DPP6: variants seen among roughly 807,000 people sequenced by gnomAD.
DPP6 encodes the protein dipeptidyl peptidase like 6.
A neutral mutation model predicts 122.6 loss-of-function variants in DPP6; 69 were observed. The observed-to-expected ratio is 0.56, with a 90% CI of 0.46 to 0.69. DPP6 has a LOEUF of 0.69. DPP6 is among the 30% of genes least tolerant of loss of function. DPP6 has a pLI of 0.00. For missense variants in DPP6, 928 were observed against 1,116.9 expected (o/e 0.83, Z 2.41); for synonymous variants, 418 against 433.1 (o/e 0.97, Z 0.43).
chr7:153,912,847 A>C (rs1800148270), intron 1 of DPP6, among the ~76,000 whole-genome samples: 1 of 152,192 alleles, frequency 6.6e-6, no homozygotes. Flanking sequence ...TGGCCTCCTC[A>C]TTAACACTCT....
intron 1 of DPP6, among the ~76,000 whole-genome samples, chr7:153,977,198 GGTGT>G (rs55750679): frequency 6.0e-5 from 9 of 149,728 alleles, no homozygotes; most frequent in South Asian, 2.1e-4. Context: ...TACCAATAGG[GGTGT>G]GTGTGTGTGT....
intron 1 of DPP6, among the ~76,000 whole-genome samples, chr7:153,916,058 C>T (rs991187998): frequency 4.0e-5 from 6 of 151,828 alleles, no homozygotes; most frequent in Admixed American, 3.9e-4. Flanking sequence ...GCTCTGCCTC[C>T]CAGGTTCACG....
At chr7:154,641,798 T>G (rs760562687) in intron 6 of DPP6, among the ~76,000 whole-genome samples, 4 of 152,214 alleles carry the variant, frequency 2.6e-5, no homozygotes, top group Non-Finnish European at 5.9e-5. Flanking sequence ...TATGTAATGT[T>G]GGCAATTAGG....
intron 1 of DPP6, among the ~76,000 whole-genome samples, chr7:154,139,581 A>G (rs2150658095): frequency 6.6e-6 from 1 of 151,996 alleles, no homozygotes. Context: ...TGGTTAATAA[A>G]ATTAGCCATC....
At chr7:154,542,371 T>C (rs1347592900) in intron 4 of DPP6, among the ~76,000 whole-genome samples, 1 of 152,218 alleles carries the variant, frequency 6.6e-6, no homozygotes, top group Non-Finnish European at 1.5e-5. Flanking sequence ...GATCAGACTG[T>C]TGCTGAGCGT....
intron 1 of DPP6, among the ~76,000 whole-genome samples, chr7:154,391,834 G>A (rs1336449600): frequency 6.6e-6 from 1 of 152,172 alleles, no homozygotes; most frequent in African/African-American, 2.4e-5. Flanking sequence ...GCACAAGGTT[G>A]CTTTAGGTCT....
chr7:154,461,164 G>T (rs1037181757), intron 2 of DPP6, among the ~76,000 whole-genome samples: 5 of 152,222 alleles, frequency 3.3e-5, no homozygotes, highest in African/African-American at 1.2e-4. Flanking sequence ...ATGACCTCCA[G>T]TTTCATTCAT....
chr7:154,565,777 G>A (rs1830707568), intron 4 of DPP6, among the ~76,000 whole-genome samples: 2 of 152,220 alleles, frequency 1.3e-5, no homozygotes, highest in Middle Eastern at 6.8e-3. Flanking sequence ...CACCCGCCTC[G>A]GCCTCCCAAA....
intron 1 of DPP6, among the ~76,000 whole-genome samples, chr7:154,021,229 T>C (rs918953904): frequency 7.9e-5 from 12 of 152,264 alleles, no homozygotes; most frequent in Admixed American, 6.5e-4. Flanking sequence ...TGATCACCCA[T>C]GCACCTCACA....
chr7:154,213,375 A>T (rs548823937), intron 1 of DPP6, among the ~76,000 whole-genome samples: 1 of 152,234 alleles, frequency 6.6e-6, no homozygotes, highest in Admixed American at 6.5e-5. Context: ...GAAGGCTGCA[A>T]CTTATTGTTT....
chr7:153,760,753 C>A, the DPP6 span, among the ~76,000 whole-genome samples: 1 of 152,098 alleles, frequency 6.6e-6, no homozygotes, highest in Non-Finnish European at 1.5e-5. Flanking sequence ...CTTATCTGAG[C>A]ACGTACTATT....
At chr7:154,263,455 G>T (rs958625273) in intron 1 of DPP6, among the ~76,000 whole-genome samples, 5 of 152,168 alleles carry the variant, frequency 3.3e-5, no homozygotes, top group Admixed American at 2.6e-4. Flanking sequence ...ACAGAAGCTA[G>T]ATCAACCTCC....
chr7:154,695,743 C>A (rs1483248613), intron 7 of DPP6, among the ~76,000 whole-genome samples: 1 of 151,960 alleles, frequency 6.6e-6, no homozygotes, highest in African/African-American at 2.4e-5. Context: ...AGGGAGGTGC[C>A]GAGGGTAGGA....
intron 1 of DPP6, among the ~76,000 whole-genome samples, chr7:153,903,367 G>A (rs55969530): frequency 0.17 from 26,338 of 152,204 alleles, 2,816 homozygotes; most frequent in Non-Finnish European, 0.24. Context: ...TCACTGCTTA[G>A]CAATGAGATC....
chr7:154,396,971 G>T (rs749949169), intron 1 of DPP6, among the ~76,000 whole-genome samples: 15 of 151,976 alleles, frequency 9.9e-5, no homozygotes, highest in Non-Finnish European at 1.8e-4. Context: ...CTCTTTTTTT[G>T]CAGAGGAAGA....
At chr7:154,609,287 C>T (rs1040847211) in intron 5 of DPP6, among the ~76,000 whole-genome samples, 13 of 152,210 alleles carry the variant, frequency 8.5e-5, no homozygotes, top group Non-Finnish European at 1.9e-4. Context: ...CTTTGCATTG[C>T]CCATGCAAGT....
At chr7:154,487,603 G>A (rs1302760956) in intron 3 of DPP6, among the ~76,000 whole-genome samples, 2 of 152,206 alleles carry the variant, frequency 1.3e-5, no homozygotes, top group Non-Finnish European at 2.9e-5. Context: ...CACTGTAGCT[G>A]TTTGGCCCAA....
At chr7:154,650,221 A>T (rs557251512) in intron 6 of DPP6, among the ~76,000 whole-genome samples, 2 of 152,176 alleles carry the variant, frequency 1.3e-5, no homozygotes, top group Admixed American at 6.5e-5. Flanking sequence ...GAAACTTGGG[A>T]TGCTGAAGTG....
At chr7:154,208,938 A>G (rs1178688360) in intron 1 of DPP6, among the ~76,000 whole-genome samples, 1 of 152,202 alleles carries the variant, frequency 6.6e-6, no homozygotes, top group African/African-American at 2.4e-5. Flanking sequence ...CTAAACTGTT[A>G]AATATCAAAG....
Sources: gnomAD v4.1 joint callset for allele counts (sites outside exome capture counted in the v4.1 genomes callset) on GRCh38, gnomAD v4.1.1 for gene constraint, MANE v1.5 for transcripts, NCBI Gene and HGNC (gene_info 2026-07-23, HGNC 2026-07-21) for gene names.